The following TMC3 variants were observed in gnomAD, a reference collection of about 807,000 sequenced individuals.
TMC3 encodes the protein transmembrane channel-like protein 3.
In TMC3, 98 loss-of-function variants were observed where a neutral mutation model predicts 110.6. That is an observed-to-expected ratio of 0.89 (90% CI 0.75 to 1.05). TMC3 has a LOEUF of 1.05. TMC3 is among the 50% of genes least tolerant of loss of function. The pLI, the probability that TMC3 is intolerant of heterozygous loss-of-function variation, is 0.00. For synonymous variants in TMC3, 489 were observed against 513.1 expected, an observed-to-expected ratio of 0.95 and a Z score of 0.63; for missense variants, 1,319 against 1,373.2, an observed-to-expected ratio of 0.96 and a Z score of 0.62.
At chr15:81,337,789 G>A in intron 19 of TMC3, 57 bp downstream of exon 19, 1 of 1,437,824 alleles carries the variant, frequency 7.0e-7, no homozygotes, top group Non-Finnish European at 9.8e-7. Flanking sequence ...ACGCTGGCGG[G>A]ATCTCAGTCA....
chr15:81,337,566 G>A (rs1893624368), intron 19 of TMC3: 1 of 528,916 alleles, frequency 1.9e-6, no homozygotes, highest in Admixed American at 3.1e-5. Flanking sequence ...AGGGCTTGGT[G>A]TGGTCACAGG....
Position 81,374,021 on chromosome 15 carries a change from C to G in TMC3, c.57G>C (p.Gln19His). ...RYRGIRRNASQCYLYQESLLL... is the reference protein window; with the variant it reads ...RYRGIRRNASHCYLYQESLLL... ...GCAGAGATTCCTGGTAGAGGTAGCA[C>G]TGGCTGGCATTTCTCCGGATGCCTC... Residue 19 changes from glutamine to histidine, a missense_variant, in exon 1 of 22, where the codon CAG becomes CAC. Transcript: ENST00000359440. 6.2e-7 allele frequency: 1 copy of G among 1,613,856 alleles called. No individual in the cohort carries two copies. The highest frequency in any genetic ancestry group is 1.3e-5 in the African/African-American group (1 of 75,030).
rs77997713 is a variant in TMC3 at position 81,338,999 on chromosome 15, A to G, written c.1956-219T>C. ...CACTAAGGTAGACTAAATATTCCAT[A>G]TTGTATCAAAGCTGACTTGAATGCT... On this transcript the variant is annotated intron_variant, in intron 17 of 21. Coordinates refer to ENST00000359440, the MANE Select transcript of TMC3 (RefSeq NM_001080532.3). 2.6e-5 allele frequency among the ~76,000 whole-genome samples: 4 copies of G among 152,348 alleles called. No individual in the cohort carries two copies. The East Asian group carries it at 7.7e-4, about 29-fold the overall frequency.
intron 9 of TMC3, among the ~76,000 whole-genome samples, chr15:81,353,434 G>T (rs1266301965): frequency 1.3e-5 from 2 of 152,180 alleles, no homozygotes; most frequent in African/African-American, 4.8e-5. Context: ...CTCATTCATT[G>T]ACTCACTCAG....
intron 3 of TMC3, among the ~76,000 whole-genome samples, chr15:81,366,150 T>C (rs1382971244): frequency 6.6e-6 from 1 of 152,138 alleles, no homozygotes; most frequent in Non-Finnish European, 1.5e-5. Context: ...TGTCAGCTGG[T>C]GTGGAGTTTG....
intron 1 of TMC3, 134 bp from the exon 2 acceptor site, chr15:81,372,871 G>A (rs113422518): frequency 1.3e-5 from 4 of 313,590 alleles, no homozygotes; most frequent in African/African-American, 1.2e-4. Context: ...GTGTTTGTGC[G>A]TGTGTGTGTG....
chr15:81,334,321 C>T (rs140714026), intron 21 of TMC3, among the ~76,000 whole-genome samples: 77 of 152,318 alleles, frequency 5.1e-4, no homozygotes, highest in African/African-American at 1.8e-3. Flanking sequence ...AGGAAGGGAT[C>T]TACTGCTTTC....
intron 9 of TMC3, among the ~76,000 whole-genome samples, chr15:81,353,496 T>C (rs1388531923): frequency 6.6e-6 from 1 of 152,208 alleles, no homozygotes. Flanking sequence ...TATACAGGTG[T>C]ACCATTTTTT....
chr15:81,337,451 AAACAGTGCTGCTGGGCTCAGATGC>A (rs1412381953), intron 19 of TMC3, among the ~76,000 whole-genome samples: 25 of 152,194 alleles, frequency 1.6e-4, no homozygotes, highest in African/African-American at 6.0e-4. Context: ...CTTTAGGGAC[AAACAGTGCTGCTGGGCTCAGATGC>A]CCAAGTTGAC....
intron 9 of TMC3, among the ~76,000 whole-genome samples, chr15:81,352,682 G>C (rs1482333588): frequency 6.6e-6 from 1 of 152,210 alleles, no homozygotes; most frequent in Non-Finnish European, 1.5e-5. Flanking sequence ...CATAAGAGAT[G>C]ACACCTCCGT....
intron 2 of TMC3, among the ~76,000 whole-genome samples, chr15:81,371,314 G>A (rs182903887): frequency 4.1e-4 from 62 of 152,344 alleles, no homozygotes; most frequent in African/African-American, 1.4e-3. Flanking sequence ...GTCACCTGCA[G>A]AAGAGGCTGG....
intron 9 of TMC3, among the ~76,000 whole-genome samples, chr15:81,354,930 A>G (rs1894027311): frequency 6.6e-6 from 1 of 152,078 alleles, no homozygotes; most frequent in South Asian, 2.1e-4. Context: ...GCAGAATCCC[A>G]TACTTTTATA....
In TMC3 at chr15:81,331,559, A is replaced by G. The variant is rs1054784141; in HGVS notation, c.*860T>C. On this transcript the variant is annotated 3_prime_UTR_variant, in exon 22 of 22. Coordinates refer to ENST00000359440, the MANE Select transcript of TMC3 (RefSeq NM_001080532.3). ...GTAAAATTCATGAATTCCTTCTTCA[A>G]CACAACCCCCAGGAATGTCAGGCGA... 1.3e-5 allele frequency: 2 copies of G among 152,186 alleles called. No individual in the cohort carries two copies. Among genetic ancestry groups the G allele is most frequent in the Non-Finnish European group, 1.5e-5 (1 of 68,028 alleles). The allele number at this position is 152,186 out of a possible 1,614,324, so 9.4% of individuals were successfully genotyped here. A position where few individuals can be genotyped will look rare whatever the true frequency, so the allele number is the denominator to read the frequency against.
At chr15:81,357,190 C>A (rs1204252523) in intron 7 of TMC3, among the ~76,000 whole-genome samples, 2 of 152,078 alleles carry the variant, frequency 1.3e-5, no homozygotes, top group East Asian at 3.9e-4. Flanking sequence ...AGTAAAGGGC[C>A]CGAGTCTTCC....
chr15:81,339,352 C>G, intron 17 of TMC3, 42 bp downstream of exon 17: 1 of 1,400,204 alleles, frequency 7.1e-7, no homozygotes, highest in Non-Finnish European at 1.0e-6. Context: ...AATTCCCTTA[C>G]AGCTGTCAGT....
intron 16 of TMC3, among the ~76,000 whole-genome samples, chr15:81,340,013 C>T (rs1367563088): frequency 4.6e-5 from 7 of 152,190 alleles, no homozygotes; most frequent in Non-Finnish European, 8.8e-5. Context: ...TGTGGCTGCC[C>T]AGGGTATGTG....
At chr15:81,340,224 GT>G (rs1893684680) in intron 16 of TMC3, among the ~76,000 whole-genome samples, 22 of 148,374 alleles carry the variant, frequency 1.5e-4, no homozygotes, top group African/African-American at 5.2e-4. Context: ...CTCTGTCTCT[GT>G]CTCTCTCTCT....
In TMC3 at chr15:81,332,291, G is replaced by C. The variant is rs1893477906; in HGVS notation, c.*128C>G. On this transcript the variant is annotated 3_prime_UTR_variant, in exon 22 of 22. Coordinates refer to ENST00000359440, the MANE Select transcript of TMC3 (RefSeq NM_001080532.3). ...GTCAGCCTCAGGGCCTCAGCTAGCA[G>C]CCGCTGACCATGCCCCTCAGGTCTC... 1 of 1,348,124 alleles carries C rather than the reference G, an allele frequency of 7.4e-7. No individual in the cohort carries two copies. The highest frequency in any genetic ancestry group is 9.8e-7 in the Non-Finnish European group (1 of 1,016,220). The allele number at this position is 1,348,124 out of a possible 1,614,324, so 83.5% of individuals were successfully genotyped here.
In TMC3 at chr15:81,332,755, C is replaced by T. The variant is rs780852498; in HGVS notation, c.2967G>A (p.Gly989=). Residue 989 remains glycine, a synonymous_variant, in exon 22 of 22, where the codon GGG becomes GGA. Coordinates refer to ENST00000359440, the MANE Select transcript of TMC3 (RefSeq NM_001080532.3). The stretch of plus-strand genomic sequence containing the variant: ...CATTCCACGACTTGTAGTGCACCCT[C>T]CCCTGGTGCTCGGGATCCCGGGTCT... ...ESQTRDPEHQ[G]RVHYKSWNED... is the part of the protein sequence containing the mutation. 1.7e-5 allele frequency: 27 copies of T among 1,612,940 alleles called. No individual in the cohort carries two copies. Among genetic ancestry groups the T allele is most frequent in the Non-Finnish European group, 2.3e-5 (27 of 1,179,588 alleles).
Sources: gnomAD v4.1 joint callset for allele counts (sites outside exome capture counted in the v4.1 genomes callset) on GRCh38, gnomAD v4.1.1 for gene constraint, MANE v1.5 for transcripts, NCBI Gene and HGNC (gene_info 2026-07-23, HGNC 2026-07-21) for gene names.